PDE4D: variants seen among roughly 807,000 people sequenced by gnomAD.
PDE4D encodes 3',5'-cyclic-AMP phosphodiesterase 4D.
PDE4D carries 24 observed loss-of-function variants against 87.4 expected under a neutral mutation model. The ratio of observed to expected loss-of-function variants is 0.27; its 90% CI spans 0.20 to 0.39. The LOEUF (loss-of-function observed/expected upper bound fraction) is 0.39. Among genes scored for constraint, PDE4D ranks in the 10% least tolerant of loss-of-function variants. PDE4D has a pLI of 1.00. For missense variants in PDE4D, 714 were observed against 1,041.0 expected, an observed-to-expected ratio of 0.69 and a Z score of 4.32; for synonymous variants, 384 against 383.2, an observed-to-expected ratio of 1.00 and a Z score of -0.02.
chr5:59,286,526 A>G (rs988511241), intron 1 of PDE4D, among the ~76,000 whole-genome samples: 7 of 152,248 alleles, frequency 4.6e-5, no homozygotes, highest in Non-Finnish European at 8.8e-5. Flanking sequence ...GAATGGTAGA[A>G]TGGGTAAACT....
At chr5:59,969,517 C>A (rs1393241943) in intron 3 of PDE4D, among the ~76,000 whole-genome samples, 1 of 152,078 alleles carries the variant, frequency 6.6e-6, no homozygotes, top group Admixed American at 6.6e-5. Flanking sequence ...AGGTCTTGAC[C>A]CTGATGATAA....
At chr5:59,457,935 A>C (rs139919643) in intron 1 of PDE4D, among the ~76,000 whole-genome samples, 3 of 152,118 alleles carry the variant, frequency 2.0e-5, no homozygotes, top group Non-Finnish European at 4.4e-5. Flanking sequence ...AAAAACAGAA[A>C]GACAAAATAA....
At chr5:60,205,568 C>T (rs1226140569) in intron 1 of PDE4D, among the ~76,000 whole-genome samples, 2 of 152,232 alleles carry the variant, frequency 1.3e-5, no homozygotes, top group East Asian at 1.9e-4. Flanking sequence ...CCCCAACCTT[C>T]AGAACACTCC....
At chr5:59,768,772 G>C (rs1763136697) in intron 1 of PDE4D, 6 of 750,150 alleles carry the variant, frequency 8.0e-6, no homozygotes, top group Non-Finnish European at 8.0e-6. Flanking sequence ...AATGAACAAG[G>C]AGGGAAAGCA....
intron 1 of PDE4D, among the ~76,000 whole-genome samples, chr5:59,423,021 G>A (rs1054789818): frequency 2.0e-5 from 3 of 152,106 alleles, no homozygotes; most frequent in Non-Finnish European, 4.4e-5. Flanking sequence ...ATAATCACTT[G>A]TTTCTCTCCA....
At chr5:59,194,412 A>G (rs1157033025) in intron 2 of PDE4D, among the ~76,000 whole-genome samples, 1 of 152,196 alleles carries the variant, frequency 6.6e-6, no homozygotes, top group East Asian at 1.9e-4. Context: ...GAACAGTGCA[A>G]ATAAACTTTT....
At chr5:59,074,198 A>G (rs1243947241) in intron 5 of PDE4D, among the ~76,000 whole-genome samples, 1 of 152,216 alleles carries the variant, frequency 6.6e-6, no homozygotes, top group African/African-American at 2.4e-5. Context: ...TGATTAGTCA[A>G]GAAAGACTTT....
chr5:59,785,674 A>G lies in PDE4D; in HGVS notation c.455+107494T>C, dbSNP rs193020780. On this transcript the variant is annotated intron_variant, in intron 1 of 14. Coordinates refer to ENST00000340635, the MANE Select transcript of PDE4D (RefSeq NM_001104631.2). ...GACAAAATAATTTGCAATAGCTCTGATAAGAAAGATGTCAACACAATTAGC... is the reference window on the plus strand; with the variant it reads ...GACAAAATAATTTGCAATAGCTCTGGTAAGAAAGATGTCAACACAATTAGC... 3.0e-4 allele frequency among the ~76,000 whole-genome samples: 45 copies of G among 152,366 alleles called. 1 individual carries two copies. Among genetic ancestry groups the G allele is most frequent in the African/African-American group, 1.0e-3 (42 of 41,580 alleles).
At chr5:58,980,481 C>T (rs948617398) in intron 11 of PDE4D, among the ~76,000 whole-genome samples, 4 of 152,160 alleles carry the variant, frequency 2.6e-5, no homozygotes, top group Non-Finnish European at 5.9e-5. Flanking sequence ...ATAAAGACAA[C>T]TTTGTAAGTA....
At chr5:59,364,682 A>G (rs917527701) in intron 1 of PDE4D, among the ~76,000 whole-genome samples, 4 of 152,228 alleles carry the variant, frequency 2.6e-5, no homozygotes, top group Admixed American at 1.3e-4. Context: ...TAAATATTCT[A>G]TAAGTGACCC....
intron 1 of PDE4D, among the ~76,000 whole-genome samples, chr5:60,212,087 TAGC>T (rs1743289510): frequency 6.6e-6 from 1 of 152,196 alleles, no homozygotes; most frequent in African/African-American, 2.4e-5. Context: ...TAAATGTACA[TAGC>T]AGCTGTTATC....
At chr5:59,149,476 A>G (rs543268839) in intron 5 of PDE4D, among the ~76,000 whole-genome samples, 8 of 152,270 alleles carry the variant, frequency 5.3e-5, no homozygotes, top group African/African-American at 1.7e-4. Context: ...CACTATTAAA[A>G]ATACCACAAG....
At chr5:60,389,273 T>C (rs1399988391) in intron 1 of PDE4D, among the ~76,000 whole-genome samples, 1 of 152,200 alleles carries the variant, frequency 6.6e-6, no homozygotes, top group Admixed American at 6.5e-5. Context: ...TTGGAGTCTA[T>C]GCCCATGGAT....
chr5:60,462,076 G>A (rs1421054759), intron 1 of PDE4D, among the ~76,000 whole-genome samples: 1 of 152,126 alleles, frequency 6.6e-6, no homozygotes, highest in Non-Finnish European at 1.5e-5. Flanking sequence ...GCTTCAGAAT[G>A]CCCTCTCCTG....
At chr5:59,748,502 G>T (rs1759955182) in intron 1 of PDE4D, among the ~76,000 whole-genome samples, 1 of 152,070 alleles carries the variant, frequency 6.6e-6, no homozygotes, top group Non-Finnish European at 1.5e-5. Flanking sequence ...TGCTTTGTAG[G>T]GACATGGATG....
chr5:60,165,722 A>G (rs1237166607), intron 2 of PDE4D, among the ~76,000 whole-genome samples: 1 of 149,176 alleles, frequency 6.7e-6, no homozygotes, highest in East Asian at 1.9e-4. Context: ...TTTATATTAT[A>G]GATAATTATA....
At chr5:60,247,855 T>C (rs1280965886) in intron 1 of PDE4D, among the ~76,000 whole-genome samples, 1 of 152,040 alleles carries the variant, frequency 6.6e-6, no homozygotes, top group Admixed American at 6.6e-5. Flanking sequence ...TCAATACAAC[T>C]TGTCTAAGTT....
intron 2 of PDE4D, among the ~76,000 whole-genome samples, chr5:60,047,104 GT>G (rs1222648111): frequency 6.6e-6 from 1 of 152,016 alleles, no homozygotes; most frequent in Non-Finnish European, 1.5e-5. Context: ...GGGAGAGTGT[GT>G]GTGTCCAGGA....
intron 2 of PDE4D, among the ~76,000 whole-genome samples, chr5:60,166,284 C>G (rs536500026): frequency 6.6e-6 from 1 of 151,978 alleles, no homozygotes; most frequent in South Asian, 2.1e-4. Flanking sequence ...TTAGTAGAGA[C>G]GAGGTTTCCA....
Sources: gnomAD v4.1 joint callset for allele counts (sites outside exome capture counted in the v4.1 genomes callset) on GRCh38, gnomAD v4.1.1 for gene constraint, MANE v1.5 for transcripts, NCBI Gene and HGNC (gene_info 2026-07-23, HGNC 2026-07-21) for gene names.